The following TIAM2 variants were observed in gnomAD, a reference collection of about 807,000 sequenced individuals.
The protein encoded by TIAM2 is rho guanine nucleotide exchange factor TIAM2.
TIAM2 carries 80 observed loss-of-function variants against 152.9 expected under a neutral mutation model. That is an observed-to-expected ratio of 0.52 (90% CI 0.44 to 0.63). The LOEUF (loss-of-function observed/expected upper bound fraction) is 0.63, where lower values mean the gene tolerates loss of function less well. TIAM2 is among the 30% of genes least tolerant of loss of function. TIAM2 has a pLI of 0.00. For missense variants in TIAM2, 1,965 were observed against 2,120.1 expected (o/e 0.93, Z 1.44); for synonymous variants, 804 against 838.0 (o/e 0.96, Z 0.70).
intron 1 of TIAM2, among the ~76,000 whole-genome samples, chr6:155,029,611 CTG>C (rs201834062): frequency 0.17 from 15,610 of 89,494 alleles, 2,125 homozygotes; most frequent in African/African-American, 0.25. Context: ...TTATATAACT[CTG>C]TATATATGTA....
rs555667869 is a variant in TIAM2, at chr6:155,049,249, C to T, written c.-208-41040C>T. ...CCTCCAGGAACTCTTGCCATGGATGCGGAGCACAGTGAGAGCCATTGCTGC... is the reference window on the plus strand; with the variant it reads ...CCTCCAGGAACTCTTGCCATGGATGTGGAGCACAGTGAGAGCCATTGCTGC... On this transcript the variant is annotated intron_variant, in intron 1 of 26. Coordinates refer to ENST00000682666, the MANE Select transcript of TIAM2 (RefSeq NM_012454.4). Among the ~76,000 whole-genome samples, 6 of 152,166 alleles carry T rather than the reference C, an allele frequency of 3.9e-5. No individual in the cohort carries two copies. In the East Asian group the frequency reaches 5.8e-4, roughly 15 times the overall value.
chr6:155,216,781 G>A (rs935179131), intron 15 of TIAM2: 1 of 491,276 alleles, frequency 2.0e-6, no homozygotes, highest in Admixed American at 5.2e-5. Context: ...GCCCTCTGTG[G>A]TCCCATTGTC....
intron 15 of TIAM2, among the ~76,000 whole-genome samples, chr6:155,234,004 G>T (rs9718229): frequency 1.1e-4 from 16 of 144,584 alleles, no homozygotes; most frequent in African/African-American, 3.3e-4. Context: ...AATTTTTTTT[G>T]GGGGGGGGTT....
At chr6:155,211,147 GTTA>G (rs1781707871) in intron 14 of TIAM2, 54 bp from the exon 15 acceptor site, 4 of 1,497,088 alleles carry the variant, frequency 2.7e-6, no homozygotes, top group Non-Finnish European at 2.8e-6. Flanking sequence ...TAAACCGGGT[GTTA>G]TTATTCTCTG....
chr6:155,204,613 A>G (rs959570325), intron 14 of TIAM2, among the ~76,000 whole-genome samples: 1 of 152,206 alleles, frequency 6.6e-6, no homozygotes. Flanking sequence ...AAAAGTATAT[A>G]TTATCAAAAA....
chr6:155,078,262 T>C (rs1429985828), intron 1 of TIAM2, among the ~76,000 whole-genome samples: 6 of 152,124 alleles, frequency 3.9e-5, no homozygotes. Context: ...CTCAGGCTGG[T>C]CATGAACTCC....
At position 155,137,083 on chromosome 6, in the gene TIAM2, C is replaced by G. The variant is rs535564397; in HGVS notation, c.1195-94C>G. On this transcript the variant is annotated intron_variant, in intron 4 of 26. Transcript: ENST00000682666. ...AGAATCTTGCTTTGCATTACATTAT[C>G]AGCAGCCACTGGTATTACACTTATG... 2.0e-5 allele frequency: 26 copies of G among 1,307,872 alleles called. No individual in the cohort carries two copies. The South Asian group carries it at 3.9e-4, about 20-fold the overall frequency. 81.0% of individuals were successfully genotyped at this position (1,307,872 alleles called of 1,614,324 possible). A position where few individuals can be genotyped will look rare whatever the true frequency, so the allele number is the denominator to read the frequency against.
At chr6:155,066,787 G>T (rs1366181724) in intron 1 of TIAM2, among the ~76,000 whole-genome samples, 2 of 151,746 alleles carry the variant, frequency 1.3e-5, no homozygotes, top group East Asian at 3.9e-4. Flanking sequence ...ACTGAGTCTC[G>T]CTCTGTCGCC....
At chr6:155,046,073 C>A (rs1194681429) in intron 1 of TIAM2, among the ~76,000 whole-genome samples, 1 of 151,766 alleles carries the variant, frequency 6.6e-6, no homozygotes, top group Non-Finnish European at 1.5e-5. Context: ...GCCTTTAACT[C>A]CGAGTTTGAC....
chr6:155,073,039 T>G (rs1472211748), intron 1 of TIAM2, among the ~76,000 whole-genome samples: 1 of 152,148 alleles, frequency 6.6e-6, no homozygotes, highest in Non-Finnish European at 1.5e-5. Context: ...AGACCATTTA[T>G]AAATTGGTGT....
intron 1 of TIAM2, among the ~76,000 whole-genome samples, chr6:155,010,588 T>C (rs1778469083): frequency 6.6e-6 from 1 of 152,170 alleles, no homozygotes. Flanking sequence ...CCCGAGTAGC[T>C]GGGATTACAG....
At chr6:155,135,297 T>G (rs989864155) in intron 4 of TIAM2, among the ~76,000 whole-genome samples, 1 of 152,214 alleles carries the variant, frequency 6.6e-6, no homozygotes, top group African/African-American at 2.4e-5. Flanking sequence ...GATTTTTGGA[T>G]GAAATTTCTG....
Position 155,223,527 on chromosome 6 carries a change from C to CTT in TIAM2, c.3168+12236_3168+12237dup, listed in dbSNP as rs11385281. ...GTTAGACATCCCCAGATTTTTTTTT[C>CTT]TTTTTTTTTTTTTTTTTACTCTGCA... On this transcript the variant is annotated intron_variant, in intron 15 of 26. Transcript: ENST00000682666. 5.0e-3 allele frequency among the ~76,000 whole-genome samples: 655 copies of CTT among 130,844 alleles called. 9 individuals are homozygous for CTT. The highest frequency in any genetic ancestry group is 0.014 in the African/African-American group (476 of 33,650). The allele number at this position is 130,844 out of a possible 152,430, so 85.8% of individuals were successfully genotyped here.
intron 1 of TIAM2, among the ~76,000 whole-genome samples, chr6:155,045,453 G>C (rs1345239905): frequency 9.2e-6 from 1 of 108,316 alleles, no homozygotes; most frequent in African/African-American, 3.5e-5. Context: ...ATACTTATTA[G>C]AATTTTTTTT....
In TIAM2 at chr6:155,129,770, C is replaced by G; in HGVS notation, c.547C>G (p.Pro183Ala). ...GGTCGAGTTCCACAATGGTGGCAAC[C>G]CCAGCAAAGTGCCTGCAGAGGACTG... is the stretch of plus-strand genomic sequence containing the variant. ...LRVEFHNGGNPSKVPAEDCSE... is the reference protein window; with the variant it reads ...LRVEFHNGGNASKVPAEDCSE... The change falls in exon 4 of 27, where the codon CCC (proline) becomes GCC (alanine). Residue 183 changes from proline (P) to alanine (A), a missense_variant. Pro to Ala is a conservative substitution (Grantham distance 27). This residue lies in a region of TIAM2 where 1,025 missense variants were observed against 1,119.4 expected (regional missense o/e 0.92). Transcript: ENST00000682666. The surrounding 1 kb of genome is among the most constrained non-coding windows in gnomAD (Gnocchi z 4.8). The G allele has an allele frequency of 6.2e-7, 1 of 1,613,886 alleles. No homozygotes were observed. The highest frequency in any genetic ancestry group is 8.5e-7 in the Non-Finnish European group (1 of 1,180,036).
intron 14 of TIAM2, among the ~76,000 whole-genome samples, chr6:155,201,216 G>A (rs972195408): frequency 2.0e-5 from 3 of 152,146 alleles, no homozygotes; most frequent in South Asian, 2.1e-4. Context: ...AGCACTTACT[G>A]AAAAGTGTCC....
chr6:155,065,266 T>C (rs1583174123), intron 1 of TIAM2, among the ~76,000 whole-genome samples: 1 of 152,262 alleles, frequency 6.6e-6, no homozygotes, highest in Non-Finnish European at 1.5e-5. Context: ...ATATACAGTG[T>C]GAAACCATTG....
chr6:155,183,594 C>G, intron 14 of TIAM2, 94 bp downstream of exon 14: 3 of 1,432,412 alleles, frequency 2.1e-6, no homozygotes, highest in Non-Finnish European at 2.8e-6. Flanking sequence ...ATTATTTAAG[C>G]TGTTCAAAGA....
At chr6:155,088,533 T>G (rs1778223863) in intron 1 of TIAM2, among the ~76,000 whole-genome samples, 1 of 152,266 alleles carries the variant, frequency 6.6e-6, no homozygotes, top group South Asian at 2.1e-4. Flanking sequence ...ATGTGCATTA[T>G]TTCATTAAAC....
Sources: gnomAD v4.1 joint callset for allele counts (sites outside exome capture counted in the v4.1 genomes callset) on GRCh38, gnomAD v4.1.1 for gene constraint, gnomAD v4.1.1 regional missense constraint, Gnocchi (gnomAD v3.1) non-coding constraint, MANE v1.5 for transcripts, NCBI Gene and HGNC (gene_info 2026-07-23, HGNC 2026-07-21) for gene names.